Variants in METTL9 observed in about 807,000 individuals in gnomAD.
The protein encoded by METTL9 is protein-L-histidine N-pros-methyltransferase.
Under a neutral mutation model 36.0 loss-of-function variants are expected in METTL9, and 10 were observed. That is an observed-to-expected ratio of 0.28 (90% CI 0.17 to 0.47). The LOEUF (loss-of-function observed/expected upper bound fraction) is 0.47, where lower values mean the gene tolerates loss of function less well. Ranked by LOEUF, METTL9 falls within the 20% of genes least tolerant of loss-of-function variation. METTL9 has a pLI of 0.99. For synonymous variants in METTL9, 175 were observed against 149.7 expected, an observed-to-expected ratio of 1.17 and a Z score of -1.23; for missense variants, 246 against 383.5, an observed-to-expected ratio of 0.64 and a Z score of 3.00.
intron 4 of METTL9, chr16:21,646,544 G>A (rs1046204022): frequency 5.7e-6 from 1 of 174,872 alleles, no homozygotes. Flanking sequence ...CTAAATCACT[G>A]TAATATACAA....
intron 1 of METTL9, among the ~76,000 whole-genome samples, chr16:21,608,140 C>T (rs1965338523): frequency 6.7e-6 from 1 of 149,682 alleles, no homozygotes; most frequent in Non-Finnish European, 1.5e-5. Context: ...CAGAGCAAGA[C>T]TCCGTCTCAA....
intron 4 of METTL9, among the ~76,000 whole-genome samples, chr16:21,638,638 T>C (rs556917179): frequency 6.6e-6 from 1 of 152,118 alleles, no homozygotes; most frequent in South Asian, 2.1e-4. Context: ...TGGCAGGAAA[T>C]TGTGGTAAGA....
chr16:21,627,830 G>GT (rs1199291372), intron 4 of METTL9, among the ~76,000 whole-genome samples: 2 of 152,100 alleles, frequency 1.3e-5, no homozygotes, highest in Non-Finnish European at 2.9e-5. Context: ...GTGGGCGCCT[G>GT]TAGTTCCAGC....
intron 4 of METTL9, among the ~76,000 whole-genome samples, chr16:21,630,342 T>C (rs1342621691): frequency 6.6e-6 from 1 of 152,026 alleles, no homozygotes; most frequent in East Asian, 1.9e-4. Context: ...CCTTCACACC[T>C]CCCTGTGAGC....
At chr16:21,640,042 G>A (rs1225577560) in intron 4 of METTL9, 1 of 152,070 alleles carries the variant, frequency 6.6e-6, no homozygotes, top group Non-Finnish European at 1.5e-5. Flanking sequence ...GGGTTCAAGT[G>A]ATCTCCTGCC....
Position 21,605,257 on chromosome 16 carries a change from C to CTTTTTTTTT in METTL9, c.165+5390_165+5398dup, listed in dbSNP as rs3046231. ...GGGGTGGTAAAAATAGGCTTGCCTTCTTTTTTTTTTTTTTTTTTTTTTTTT... is the reference window on the plus strand; with the variant it reads ...GGGGTGGTAAAAATAGGCTTGCCTTCTTTTTTTTTTTTTTTTTTTTTTTTTTTTTTTTTT... On this transcript the variant is annotated intron_variant, in intron 1 of 4. Coordinates refer to ENST00000358154, the MANE Select transcript of METTL9 (RefSeq NM_016025.5). Among the ~76,000 whole-genome samples the CTTTTTTTTT allele has an allele frequency of 8.8e-3, 449 of 51,230 alleles. 134 individuals are homozygous for CTTTTTTTTT. Among genetic ancestry groups the CTTTTTTTTT allele is most frequent in the Non-Finnish European group, 0.012 (309 of 25,854 alleles). The allele number at this position is 51,230 out of a possible 152,430, so 33.6% of individuals were successfully genotyped here. A position where few individuals can be genotyped will look rare whatever the true frequency, so the allele number is the denominator to read the frequency against.
In METTL9 at chr16:21,609,547, A is replaced by G. The variant is rs155027; in HGVS notation, c.166-3098A>G. Among the ~76,000 whole-genome samples, 1,344 of 152,266 alleles carry G rather than the reference A, an allele frequency of 8.8e-3. 48 individuals are homozygous for G. The highest frequency in any genetic ancestry group is 0.082 in the East Asian group (426 of 5,182). ...TTTGAAAAGAAAATATACCTAGGAA[A>G]TATTTAGGCTGAAGTTGAACGAACC... On this transcript the variant is annotated intron_variant, in intron 1 of 4. Transcript: ENST00000358154.
chr16:21,640,623 CG>C (rs1442166023), intron 4 of METTL9: 1 of 149,038 alleles, frequency 6.7e-6, no homozygotes, highest in Non-Finnish European at 1.5e-5. Context: ...AAAAATTAGC[CG>C]GGCGTGGTGG....
intron 1 of METTL9, among the ~76,000 whole-genome samples, chr16:21,609,414 A>G (rs1965372086): frequency 6.6e-6 from 1 of 152,206 alleles, no homozygotes; most frequent in Admixed American, 6.5e-5. Flanking sequence ...GCGATTGTCT[A>G]CAATTATTCA....
At chr16:21,613,168 CTTTTTTTTTTTTT>C (rs57388340) in intron 2 of METTL9, among the ~76,000 whole-genome samples, 33 of 91,426 alleles carry the variant, frequency 3.6e-4, no homozygotes, top group East Asian at 7.1e-4. Context: ...TGAGAGTCTG[CTTTTTTTTTTTTT>C]TTTTTTTTTT....
chr16:21,599,407 T>C, upstream of METTL9: 1 of 1,089,438 alleles, frequency 9.2e-7, no homozygotes, highest in Non-Finnish European at 1.1e-6. This position sits in a 1 kb window ranked among gnomAD's most constrained non-coding sequence, Gnocchi z 4.4. Flanking sequence ...GGATGCGCGC[T>C]CCCTTTGTCC....
At chr16:21,647,039 T>G in intron 4 of METTL9, 6 of 1,547,910 alleles carry the variant, frequency 3.9e-6, no homozygotes, top group Non-Finnish European at 5.4e-6. Context: ...ACTTAGCAAA[T>G]TTATCTCCTG....
At chr16:21,611,702 C>T (rs1038941841) in intron 1 of METTL9, among the ~76,000 whole-genome samples, 1 of 152,132 alleles carries the variant, frequency 6.6e-6, no homozygotes, top group Non-Finnish European at 1.5e-5. Context: ...CATCTCTAGT[C>T]TACAAATGAA....
At chr16:21,619,890 A>G (rs917502624) in intron 3 of METTL9, among the ~76,000 whole-genome samples, 11 of 152,200 alleles carry the variant, frequency 7.2e-5, no homozygotes, top group African/African-American at 2.4e-4. Flanking sequence ...AGAAGAAATT[A>G]TGTAATCACT....
At chr16:21,650,284 A>C (rs1274379435) in intron 4 of METTL9, among the ~76,000 whole-genome samples, 2 of 152,206 alleles carry the variant, frequency 1.3e-5, no homozygotes, top group Non-Finnish European at 2.9e-5. Context: ...AGGCGGGCAG[A>C]TCACCTGAGG....
At chr16:21,617,644 G>A (rs1157803248) in intron 2 of METTL9, among the ~76,000 whole-genome samples, 1 of 151,730 alleles carries the variant, frequency 6.6e-6, no homozygotes, top group Non-Finnish European at 1.5e-5. Flanking sequence ...CAGGAGAATC[G>A]CTTGAACCCA....
chr16:21,618,201 T>C, intron 3 of METTL9, 127 bp downstream of exon 3: 1 of 785,974 alleles, frequency 1.3e-6, no homozygotes, highest in East Asian at 3.0e-5. Flanking sequence ...ACTGGAAATG[T>C]AGAGAAATAA....
At chr16:21,643,163 A>G (rs1369424047) in intron 4 of METTL9, 8 of 1,589,834 alleles carry the variant, frequency 5.0e-6, no homozygotes, top group Non-Finnish European at 6.9e-6. Context: ...TTCTATAAAG[A>G]CAAATGAGAA....
At chr16:21,646,913 C>CA (rs1305543290) in intron 4 of METTL9, 1 of 566,194 alleles carries the variant, frequency 1.8e-6, no homozygotes, top group Non-Finnish European at 3.2e-6. Context: ...ACCTCAGCCT[C>CA]AAAGTGCTGG....
Sources: allele counts gnomAD v4.1 joint callset (sites outside exome capture counted in the v4.1 genomes callset), GRCh38; gene constraint gnomAD v4.1.1; non-coding constraint Gnocchi (gnomAD v3.1); transcripts MANE v1.5; gene names NCBI Gene and HGNC (gene_info 2026-07-23, HGNC 2026-07-21).